YARS1: variants seen among roughly 807,000 people sequenced by gnomAD.
YARS1 encodes tyrosyl-tRNA synthetase 1.
A neutral mutation model predicts 62.2 loss-of-function variants in YARS1; 36 were observed. That is an observed-to-expected ratio of 0.58 (90% CI 0.44 to 0.76). YARS1 has a LOEUF of 0.76. YARS1 is among the 30% of genes least tolerant of loss of function. YARS1 has a pLI of 0.00. For synonymous variants in YARS1, 234 were observed against 244.9 expected, an observed-to-expected ratio of 0.96 and a Z score of 0.42; for missense variants, 524 against 639.8, an observed-to-expected ratio of 0.82 and a Z score of 1.95.
At chr1:32,791,343 G>A (rs936288390) in intron 5 of YARS1, 89 bp from the exon 6 acceptor site, 96 of 999,322 alleles carry the variant, frequency 9.6e-5, no homozygotes, top group Non-Finnish European at 1.4e-4. Context: ...CAGCAACTGA[G>A]TAGTTGTTAT....
chr1:32,779,960 T>A, intron 11 of YARS1, 125 bp downstream of exon 11: 1 of 1,150,570 alleles, frequency 8.7e-7, no homozygotes, highest in African/African-American at 1.5e-5. Context: ...ACTTTTGGCA[T>A]CAGCAAGGAA....
At chr1:32,788,939 C>G (rs923960469) in intron 6 of YARS1, among the ~76,000 whole-genome samples, 3 of 152,214 alleles carry the variant, frequency 2.0e-5, no homozygotes, top group Admixed American at 6.5e-5. Flanking sequence ...GTCCTCCTAC[C>G]TCAGCCTCCC....
chr1:32,804,755 G>T (rs1218081149), intron 4 of YARS1, among the ~76,000 whole-genome samples: 1 of 151,478 alleles, frequency 6.6e-6, no homozygotes, highest in Non-Finnish European at 1.5e-5. Context: ...AAGACTGGGC[G>T]GCCGGGCAGA....
rs1653649161 is a variant in YARS1, at chr1:32,797,697, G to A, written c.591+66C>T. The A allele has an allele frequency of 2.2e-6, 3 of 1,370,226 alleles. No homozygotes were observed. In the Admixed American group the frequency reaches 5.0e-5, roughly 23 times the overall value. The allele number at this position is 1,370,226 out of a possible 1,614,324, so 84.9% of individuals were successfully genotyped here. A position where few individuals can be genotyped will look rare whatever the true frequency, so the allele number is the denominator to read the frequency against. The stretch of plus-strand genomic sequence containing the variant: ...TGACTAGTGGGACTGACACATCATA[G>A]TTCAATAAACACAGCTGCATACCTC... On this transcript the variant is annotated intron_variant, in intron 5 of 12. Coordinates refer to ENST00000373477, the MANE Select transcript of YARS1 (RefSeq NM_003680.4).
chr1:32,816,919 G>A (rs116562938), intron 1 of YARS1: 2 of 590,048 alleles, frequency 3.4e-6, no homozygotes, highest in Non-Finnish European at 6.1e-6. Context: ...CACTTAATAG[G>A]GGGGTGGAAT....
chr1:32,815,910 C>T (rs1278064458), intron 1 of YARS1, among the ~76,000 whole-genome samples: 1 of 151,988 alleles, frequency 6.6e-6, no homozygotes, highest in Non-Finnish European at 1.5e-5. Flanking sequence ...GAGATCGAGA[C>T]CACCCTGGCT....
intron 1 of YARS1, 95 bp downstream of exon 1, chr1:32,817,093 G>A (rs1265061829): frequency 2.0e-6 from 3 of 1,504,594 alleles, no homozygotes; most frequent in Non-Finnish European, 1.8e-6. Flanking sequence ...CCGAGTCCCC[G>A]GCCCCACATA....
chr1:32,814,726 T>C (rs1638661634), intron 1 of YARS1, among the ~76,000 whole-genome samples: 1 of 152,254 alleles, frequency 6.6e-6, no homozygotes, highest in African/African-American at 2.4e-5. Context: ...CCAGAGACAG[T>C]CTTTTAAAAC....
At chr1:32,783,512 T>G (rs1653126354) in intron 8 of YARS1, 1 of 152,154 alleles carries the variant, frequency 6.6e-6, no homozygotes, top group African/African-American at 2.4e-5. Context: ...GGTTTCACCA[T>G]GTTGCCCAGA....
At chr1:32,796,515 G>A (rs1247907486) in intron 5 of YARS1, among the ~76,000 whole-genome samples, 1 of 151,672 alleles carries the variant, frequency 6.6e-6, no homozygotes, top group African/African-American at 2.4e-5. Flanking sequence ...GGACTACAGA[G>A]GCGTGCCTGG....
At chr1:32,794,077 C>G (rs4951785) in intron 5 of YARS1, among the ~76,000 whole-genome samples, 81,778 of 152,070 alleles carry the variant, frequency 0.54, 22,362 homozygotes, top group East Asian at 0.74. Flanking sequence ...AGGCTGGGCG[C>G]AGTGGCTTAC....
At chr1:32,782,645 G>T in intron 8 of YARS1, 106 bp from the exon 9 acceptor site, 1 of 1,462,152 alleles carries the variant, frequency 6.8e-7, no homozygotes, top group Non-Finnish European at 9.4e-7. Context: ...AGTCTTATTT[G>T]ATCCTTGTGA....
rs1005656229 is a variant in YARS1 at position 32,817,346 on chromosome 1, G to A, written c.-102C>T. On this transcript the variant is annotated 5_prime_UTR_variant, in exon 1 of 13. Coordinates refer to ENST00000373477, the MANE Select transcript of YARS1 (RefSeq NM_003680.4). ...GGGAACTGTCACGCGAGTCCAGCCA[G>A]GTTGCATCAGCTGGGCTCGGCGCTC... 2.0e-6 allele frequency: 3 copies of A among 1,486,352 alleles called. No individual in the cohort carries two copies. The highest frequency in any genetic ancestry group is 1.9e-6 in the Non-Finnish European group (2 of 1,075,282). The allele number at this position is 1,486,352 out of a possible 1,614,324, so 92.1% of individuals were successfully genotyped here.
intron 5 of YARS1, among the ~76,000 whole-genome samples, chr1:32,794,736 G>A (rs372746981): frequency 4.0e-5 from 6 of 151,722 alleles, no homozygotes; most frequent in Non-Finnish European, 5.9e-5. Context: ...GGCTGGGTGC[G>A]GTGACTCATG....
intron 4 of YARS1, among the ~76,000 whole-genome samples, chr1:32,799,983 C>T (rs753962935): frequency 4.0e-5 from 6 of 151,778 alleles, no homozygotes; most frequent in South Asian, 2.1e-4. Context: ...AGCATGTCTC[C>T]GGGTTTTCTT....
At chr1:32,812,357 C>G (rs532158731) in intron 1 of YARS1, among the ~76,000 whole-genome samples, 7 of 152,334 alleles carry the variant, frequency 4.6e-5, no homozygotes, top group Admixed American at 4.6e-4. Context: ...AACATTAAAA[C>G]ACAGATAGTA....
At chr1:32,790,812 T>C (rs1053314193) in intron 6 of YARS1, 14 of 294,368 alleles carry the variant, frequency 4.8e-5, no homozygotes, top group African/African-American at 3.1e-4. Flanking sequence ...GATATCATAA[T>C]ATTAGTGATA....
Position 32,776,427 on chromosome 1 carries a change from G to A in YARS1, c.1477-336C>T, listed in dbSNP as rs1459669890. 2.0e-5 allele frequency among the ~76,000 whole-genome samples: 3 copies of A among 152,112 alleles called. No homozygotes were observed. Among genetic ancestry groups the A allele is most frequent in the Non-Finnish European group, 4.4e-5 (3 of 68,020 alleles). ...CTCCCAAAGTGTTGGGATTACAGGCGTGAGCCACTGCGCCCAGCCTGAAAA... is the reference window on the plus strand; with the variant it reads ...CTCCCAAAGTGTTGGGATTACAGGCATGAGCCACTGCGCCCAGCCTGAAAA... On this transcript the variant is annotated intron_variant, in intron 12 of 12. Transcript: ENST00000373477. This position sits in a 1 kb window ranked among gnomAD's most constrained non-coding sequence, Gnocchi z 4.0.
chr1:32,807,967 T>C (rs1198701477), intron 3 of YARS1, among the ~76,000 whole-genome samples: 2 of 152,148 alleles, frequency 1.3e-5, no homozygotes, highest in Non-Finnish European at 2.9e-5. Flanking sequence ...TGCAGTATAA[T>C]GGCACAATCA....
Sources: gnomAD v4.1 joint callset for allele counts (sites outside exome capture counted in the v4.1 genomes callset) on GRCh38, gnomAD v4.1.1 for gene constraint, Gnocchi (gnomAD v3.1) non-coding constraint, MANE v1.5 for transcripts, NCBI Gene and HGNC (gene_info 2026-07-23, HGNC 2026-07-21) for gene names.